Variants in TSEN2 observed in about 807,000 individuals in gnomAD.
TSEN2 encodes the protein tRNA-splicing endonuclease subunit Sen2.
In TSEN2, 54 loss-of-function variants were observed where a neutral mutation model predicts 59.2. That is an observed-to-expected ratio of 0.91 (90% CI 0.73 to 1.14). The LOEUF (loss-of-function observed/expected upper bound fraction) is 1.14, where lower values mean the gene tolerates loss of function less well. Ranked by LOEUF, TSEN2 falls within the 50% of genes most tolerant of loss-of-function variation. The pLI is 0.00. For missense variants in TSEN2, 636 were observed against 576.2 expected (o/e 1.10, Z -1.06); for synonymous variants, 195 against 198.2 (o/e 0.98, Z 0.14).
At chr3:12,485,784 C>G (rs1442767138) in intron 1 of TSEN2, among the ~76,000 whole-genome samples, 1 of 152,160 alleles carries the variant, frequency 6.6e-6, no homozygotes, top group Non-Finnish European at 1.5e-5. Flanking sequence ...TCCCAAACCT[C>G]TTGACAACTG....
intron 8 of TSEN2, among the ~76,000 whole-genome samples, chr3:12,524,349 G>A (rs2056907598): frequency 1.3e-5 from 2 of 152,142 alleles, no homozygotes; most frequent in South Asian, 4.1e-4. Context: ...GATTCATTCT[G>A]TCACAGTTCT....
At chr3:12,513,033 AG>A (rs1377010055) in intron 6 of TSEN2, among the ~76,000 whole-genome samples, 1 of 152,232 alleles carries the variant, frequency 6.6e-6, no homozygotes, top group Admixed American at 6.5e-5. Context: ...AGACCTCTCC[AG>A]TCTACTGATA....
intron 8 of TSEN2, among the ~76,000 whole-genome samples, chr3:12,528,300 G>C (rs913748693): frequency 2.0e-5 from 3 of 152,224 alleles, no homozygotes; most frequent in Admixed American, 2.0e-4. Context: ...CAAGAGGCAA[G>C]GCAAGATTGC....
chr3:12,500,939 A>T (rs1424316548), intron 4 of TSEN2, among the ~76,000 whole-genome samples: 2 of 152,330 alleles, frequency 1.3e-5, no homozygotes, highest in Non-Finnish European at 2.9e-5. Flanking sequence ...TGACCCTTTA[A>T]ATCAGTGGTT....
At chr3:12,513,356 TGG>T (rs1437160624) in intron 6 of TSEN2, among the ~76,000 whole-genome samples, 2 of 152,156 alleles carry the variant, frequency 1.3e-5, no homozygotes, top group Non-Finnish European at 2.9e-5. Context: ...CCAGCCACGG[TGG>T]GTCATGCCTG....
At chr3:12,508,520 C>T (rs1366602790) in intron 6 of TSEN2, among the ~76,000 whole-genome samples, 1 of 152,108 alleles carries the variant, frequency 6.6e-6, no homozygotes, top group Non-Finnish European at 1.5e-5. Context: ...GGGGTCTCAC[C>T]CCTGCTGTGG....
intron 6 of TSEN2, chr3:12,514,863 A>T (rs2055891150): frequency 6.6e-6 from 1 of 152,228 alleles, no homozygotes; most frequent in Non-Finnish European, 1.5e-5. Flanking sequence ...TAAGTTTTTT[A>T]TGAAAAATAA....
At chr3:12,520,908 A>G (rs2056586301) in intron 8 of TSEN2, among the ~76,000 whole-genome samples, 1 of 152,150 alleles carries the variant, frequency 6.6e-6, no homozygotes, top group Non-Finnish European at 1.5e-5. Context: ...AGTACCCAGT[A>G]GTTATCTTTT....
In TSEN2 at chr3:12,521,426, A is replaced by G. The variant is rs534595311; in HGVS notation, c.1099+2229A>G. Among the ~76,000 whole-genome samples, 4 of 152,338 alleles carry G rather than the reference A, an allele frequency of 2.6e-5. No homozygotes were observed. In the East Asian group the frequency reaches 7.7e-4, roughly 29 times the overall value. On this transcript the variant is annotated intron_variant, in intron 8 of 11. Coordinates refer to ENST00000284995, the MANE Select transcript of TSEN2 (RefSeq NM_025265.4). ...AGGTCAACTGTAGTCAAAAAGATTC[A>G]GATATCTGCTGGGCACAGTGGCTCA...
downstream of TSEN2, among the ~76,000 whole-genome samples, chr3:12,534,997 T>C (rs2057640624): frequency 1.3e-5 from 2 of 151,950 alleles, no homozygotes; most frequent in African/African-American, 4.8e-5. Flanking sequence ...AACCTGAAGT[T>C]TCATTGTTAC....
chr3:12,505,140 T>C lies in TSEN2; in HGVS notation c.832-14T>C. The C allele has an allele frequency of 1.3e-6, 2 of 1,526,476 alleles. No homozygotes were observed. Among genetic ancestry groups the C allele is most frequent in the Non-Finnish European group, 1.8e-6 (2 of 1,100,142 alleles). 94.6% of individuals were successfully genotyped at this position (1,526,476 alleles called of 1,614,324 possible). A position where few individuals can be genotyped will look rare whatever the true frequency, so the allele number is the denominator to read the frequency against. On this transcript the variant is annotated splice_polypyrimidine_tract_variant and intron_variant, in intron 5 of 11. Coordinates refer to ENST00000284995, the MANE Select transcript of TSEN2 (RefSeq NM_025265.4). ...TCCATTTGTTCTGTATATATTGTAT[T>C]TCTTTCTCTTTAGTTGGTGCAAAGA...
rs1314753825 is a variant in TSEN2 at position 12,489,862 on chromosome 3, C to G, written c.62C>G (p.Ser21Cys). 5 of 1,614,070 alleles carry G rather than the reference C, an allele frequency of 3.1e-6. No homozygotes were observed. Among genetic ancestry groups the G allele is most frequent in the Non-Finnish European group, 4.2e-6 (5 of 1,180,018 alleles). Residue 21 changes from serine to cysteine, a missense_variant, in exon 2 of 12, where the codon TCT becomes TGT. Ser to Cys is a moderately radical substitution (Grantham distance 112). Transcript: ENST00000284995. The part of the protein sequence containing the change: ...RKRRVYETYE[S>C]PLPIPFGQDH... The stretch of plus-strand genomic sequence containing the variant: ...AGAAGAGTGTATGAGACTTACGAGT[C>G]TCCATTGCCAATCCCTTTTGGTCAG...
At chr3:12,528,519 A>T (rs1477312286) in intron 8 of TSEN2, among the ~76,000 whole-genome samples, 1 of 152,210 alleles carries the variant, frequency 6.6e-6, no homozygotes, top group Non-Finnish European at 1.5e-5. Context: ...CTGGAATTTA[A>T]GACCAGCCTG....
chr3:12,533,015 A>T lies in TSEN2; in HGVS notation c.*294A>T. ...CTCACTGGGGAGATTGGACTAGAGG[A>T]GTCCTGAGAGGACACTTCCAACAAG... On this transcript the variant is annotated 3_prime_UTR_variant, in exon 12 of 12. Transcript: ENST00000284995. 3 of 488,940 alleles carry T rather than the reference A, an allele frequency of 6.1e-6. No individual in the cohort carries two copies. The highest frequency in any genetic ancestry group is 6.7e-5 in the Admixed American group (2 of 29,662). The allele number at this position is 488,940 out of a possible 1,614,324, so 30.3% of individuals were successfully genotyped here.
chr3:12,512,111 A>C (rs1329031937), intron 6 of TSEN2, among the ~76,000 whole-genome samples: 1 of 152,198 alleles, frequency 6.6e-6, no homozygotes, highest in Non-Finnish European at 1.5e-5. Flanking sequence ...ATGTAGTGTG[A>C]TATGTGTGAG....
rs1034681876 is a variant in TSEN2 at position 12,505,149 on chromosome 3, T to C, written c.832-5T>C. 1.9e-6 allele frequency: 3 copies of C among 1,577,110 alleles called. No individual in the cohort carries two copies. Among genetic ancestry groups the C allele is most frequent in the Non-Finnish European group, 2.6e-6 (3 of 1,146,424 alleles). On this transcript the variant is annotated splice_polypyrimidine_tract_variant and splice_region_variant and intron_variant, in intron 5 of 11. Transcript: ENST00000284995. The stretch of plus-strand genomic sequence containing the variant: ...TCTGTATATATTGTATTTCTTTCTC[T>C]TTAGTTGGTGCAAAGAAACAGGTTA...
rs998271867 is a variant in TSEN2, at chr3:12,492,056, A to T, written c.190-80A>T. The T allele has an allele frequency of 2.3e-5, 28 of 1,231,334 alleles. No individual in the cohort carries two copies. In the South Asian group the frequency reaches 2.9e-4, roughly 13 times the overall value. The allele number at this position is 1,231,334 out of a possible 1,614,324, so 76.3% of individuals were successfully genotyped here. ...TGGAACCAGCCCCCTGTGGATACTG[A>T]GGGATTACTGTATATTCTACCTCAG... On this transcript the variant is annotated intron_variant, in intron 2 of 11. Transcript: ENST00000284995.
chr3:12,524,336 A>G (rs1306087226), intron 8 of TSEN2, among the ~76,000 whole-genome samples: 2 of 152,218 alleles, frequency 1.3e-5, no homozygotes, highest in African/African-American at 2.4e-5. Context: ...TAAAAGCAAC[A>G]AAGATTCATT....
chr3:12,536,012 G>A (rs554763315), downstream of TSEN2, among the ~76,000 whole-genome samples: 9 of 152,310 alleles, frequency 5.9e-5, no homozygotes, highest in Non-Finnish European at 7.3e-5. Flanking sequence ...ATACAAAAGC[G>A]TCTGGCACAC....
Sources: gnomAD v4.1 joint callset for allele counts (sites outside exome capture counted in the v4.1 genomes callset) on GRCh38, gnomAD v4.1.1 for gene constraint, MANE v1.5 for transcripts, NCBI Gene and HGNC (gene_info 2026-07-23, HGNC 2026-07-21) for gene names.